The following PTPRD variants were observed in gnomAD, a reference collection of about 807,000 sequenced individuals.
PTPRD encodes the protein receptor-type tyrosine-protein phosphatase delta.
A neutral mutation model predicts 214.5 loss-of-function variants in PTPRD; 34 were observed. The ratio of observed to expected loss-of-function variants is 0.16; its 90% CI spans 0.12 to 0.21. PTPRD has a LOEUF of 0.21. Among genes scored for constraint, PTPRD ranks in the 10% least tolerant of loss-of-function variants. The pLI, the probability that PTPRD is intolerant of heterozygous loss-of-function variation, is 1.00. For missense variants in PTPRD, 2,545 were observed against 2,398.7 expected (o/e 1.06, Z -1.27); for synonymous variants, 1,128 against 845.7 (o/e 1.33, Z -5.79).
chr9:8,480,252 CCT>C (rs1409859556), intron 30 of PTPRD, among the ~76,000 whole-genome samples: 1 of 152,156 alleles, frequency 6.6e-6, no homozygotes, highest in Non-Finnish European at 1.5e-5. Flanking sequence ...GACGCTCTAT[CCT>C]CTGAGTGAAC....
chr9:10,083,098 T>C (rs1489756911), intron 3 of PTPRD, among the ~76,000 whole-genome samples: 1 of 151,978 alleles, frequency 6.6e-6, no homozygotes, highest in Non-Finnish European at 1.5e-5. Flanking sequence ...TCTCTGCTTC[T>C]TTATTTATGA....
At chr9:8,419,403 T>C (rs1333076003) in intron 35 of PTPRD, among the ~76,000 whole-genome samples, 1 of 152,072 alleles carries the variant, frequency 6.6e-6, no homozygotes, top group East Asian at 1.9e-4. Context: ...ACAGAGTGAG[T>C]CTTATTTACT....
intron 2 of PTPRD, among the ~76,000 whole-genome samples, chr9:10,431,031 T>G (rs937244751): frequency 7.2e-5 from 11 of 151,990 alleles, no homozygotes; most frequent in Non-Finnish European, 1.2e-4. Flanking sequence ...CACAGTAAGC[T>G]AGTTAGAAGT....
At chr9:10,152,576 A>C (rs1219311025) in intron 3 of PTPRD, among the ~76,000 whole-genome samples, 1 of 152,222 alleles carries the variant, frequency 6.6e-6, no homozygotes, top group Non-Finnish European at 1.5e-5. Flanking sequence ...TTGTAATCCC[A>C]GCACTTTGGG....
intron 7 of PTPRD, among the ~76,000 whole-genome samples, chr9:9,700,629 C>T (rs2097480391): frequency 6.6e-6 from 1 of 151,926 alleles, no homozygotes. Context: ...TTCAATAATT[C>T]AATGTATGAT....
intron 2 of PTPRD, among the ~76,000 whole-genome samples, chr9:10,506,432 A>T (rs1175103966): frequency 6.6e-6 from 1 of 152,096 alleles, no homozygotes; most frequent in African/African-American, 2.4e-5. Context: ...CAAAATCATG[A>T]TTTCGACTAA....
chr9:8,681,284 CAT>C (rs2097544667), intron 12 of PTPRD, among the ~76,000 whole-genome samples: 2 of 152,010 alleles, frequency 1.3e-5, no homozygotes, highest in Admixed American at 6.6e-5. Flanking sequence ...ATTTTATTTA[CAT>C]GTTTGTTTCT....
At chr9:10,017,234 A>G (rs1326022915) in intron 4 of PTPRD, among the ~76,000 whole-genome samples, 1 of 152,174 alleles carries the variant, frequency 6.6e-6, no homozygotes. Flanking sequence ...GCATATTTTC[A>G]TAAAGGTATA....
intron 8 of PTPRD, among the ~76,000 whole-genome samples, chr9:9,481,549 T>TTA (rs2095415878): frequency 6.6e-6 from 1 of 152,050 alleles, no homozygotes; most frequent in Non-Finnish European, 1.5e-5. Context: ...TTATTTAAAA[T>TTA]CAGAAGAAAA....
intron 2 of PTPRD, among the ~76,000 whole-genome samples, chr9:10,468,791 C>T (rs62538381): frequency 0.043 from 6,512 of 151,928 alleles, 196 homozygotes; most frequent in Non-Finnish European, 0.067. Context: ...GTATTATGAG[C>T]AAAAATGAAT....
At chr9:8,775,280 C>A (rs2095425404) in intron 11 of PTPRD, among the ~76,000 whole-genome samples, 1 of 152,134 alleles carries the variant, frequency 6.6e-6, no homozygotes, top group African/African-American at 2.4e-5. Context: ...ACTTTCTCAG[C>A]AAGAATAAAG....
chr9:9,530,859 A>T (rs925763957), intron 8 of PTPRD, among the ~76,000 whole-genome samples: 2 of 152,246 alleles, frequency 1.3e-5, no homozygotes, highest in African/African-American at 4.8e-5. Context: ...AGAACATGCA[A>T]TGATGGATAC....
intron 14 of PTPRD, among the ~76,000 whole-genome samples, chr9:8,631,746 A>C (rs2096260820): frequency 6.6e-6 from 1 of 151,642 alleles, no homozygotes; most frequent in African/African-American, 2.4e-5. Context: ...CCATTTTGTT[A>C]TTATCTTGGG....
chr9:9,835,869 G>C (rs1033793214), intron 5 of PTPRD, among the ~76,000 whole-genome samples: 1 of 152,066 alleles, frequency 6.6e-6, no homozygotes, highest in Non-Finnish European at 1.5e-5. Context: ...CTTATGGAGA[G>C]TAGTCAATCA....
At chr9:9,196,612 T>C (rs1331960270) in intron 9 of PTPRD, among the ~76,000 whole-genome samples, 1 of 152,216 alleles carries the variant, frequency 6.6e-6, no homozygotes, top group Non-Finnish European at 1.5e-5. Context: ...TTATTATCCT[T>C]ACAGGTAATA....
At chr9:9,946,718 G>T (rs1272960488) in intron 4 of PTPRD, among the ~76,000 whole-genome samples, 1 of 152,038 alleles carries the variant, frequency 6.6e-6, no homozygotes, top group South Asian at 2.1e-4. Flanking sequence ...ACAATACAGA[G>T]ACCCTCTAAT....
chr9:9,230,389 T>G (rs1037455607), intron 9 of PTPRD, among the ~76,000 whole-genome samples: 1 of 152,134 alleles, frequency 6.6e-6, no homozygotes, highest in African/African-American at 2.4e-5. Flanking sequence ...CATTCATCTC[T>G]TCCATCTGGC....
intron 5 of PTPRD, among the ~76,000 whole-genome samples, chr9:9,855,389 A>G (rs910960894): frequency 6.6e-6 from 1 of 152,190 alleles, no homozygotes; most frequent in African/African-American, 2.4e-5. Context: ...CTAAAATAGC[A>G]GAGGCTCTCT....
chr9:9,242,209 A>G (rs200044535), intron 9 of PTPRD, among the ~76,000 whole-genome samples: 1 of 152,164 alleles, frequency 6.6e-6, no homozygotes, highest in African/African-American at 2.4e-5. Flanking sequence ...TCTGCCGAGA[A>G]ATCAGCTGTT....
Sources: allele counts gnomAD v4.1 joint callset (sites outside exome capture counted in the v4.1 genomes callset), GRCh38; gene constraint gnomAD v4.1.1; transcripts MANE v1.5; gene names NCBI Gene and HGNC (gene_info 2026-07-23, HGNC 2026-07-21).